Variants in SCIN observed in about 807,000 individuals in gnomAD.
The protein encoded by SCIN is scinderin, also known as adseverin.
In SCIN, 91 loss-of-function variants were observed where a neutral mutation model predicts 91.8. The observed-to-expected ratio is 0.99, with a 90% CI of 0.84 to 1.18. SCIN has a LOEUF of 1.18. Among genes scored for constraint, SCIN ranks in the 50% most tolerant of loss-of-function variants. The probability of loss-of-function intolerance (pLI) is 0.00; values close to 1 mark genes in which losing one functional copy is unlikely to be tolerated. For synonymous variants in SCIN, 367 were observed against 312.6 expected (o/e 1.17, Z -1.84); for missense variants, 1,087 against 863.9 (o/e 1.26, Z -3.24).
At chr7:12,604,131 T>C (rs1783022041) in intron 3 of SCIN, among the ~76,000 whole-genome samples, 2 of 152,100 alleles carry the variant, frequency 1.3e-5, no homozygotes, top group South Asian at 4.1e-4. Context: ...AAAACATGAA[T>C]AGTTTTACAA....
In SCIN at chr7:12,644,625, A is replaced by T. The variant is rs1039767420; in HGVS notation, c.1801A>T (p.Thr601Ser). 16 of 1,607,582 alleles carry T rather than the reference A, an allele frequency of 1.0e-5. No individual in the cohort carries two copies. The highest frequency in any genetic ancestry group is 1.3e-5 in the Non-Finnish European group (15 of 1,177,016). ...CCTTGGAGGGAAAAAAGACTACCAG[A>T]CCTCACCACTACTGGAAACCCAGGC... The part of the protein sequence containing the change: ...NSLGGKKDYQ[T>S]SPLLETQAED... Residue 601 changes from threonine to serine, a missense_variant, in exon 13 of 16, where the codon ACC (threonine) becomes TCC (serine). Coordinates refer to ENST00000297029, the MANE Select transcript of SCIN (RefSeq NM_001112706.3).
intron 14 of SCIN, among the ~76,000 whole-genome samples, chr7:12,649,948 T>C (rs1784046118): frequency 6.6e-6 from 1 of 152,138 alleles, no homozygotes; most frequent in African/African-American, 2.4e-5. Context: ...TGGGTAGCCC[T>C]CCCCTGGGGA....
At position 12,656,555 on chromosome 7, in the gene SCIN, G is replaced by A. The variant is rs1562641774; in HGVS notation, c.*3840G>A. On this transcript the variant is annotated 3_prime_UTR_variant, in exon 16 of 16. Transcript: ENST00000297029. ...CATTCATTCCGTGTTCTTGCTCTTG[G>A]ATAAAACGGACAACTCAGAGAAAAA... 6.6e-6 allele frequency: 1 copy of A among 152,178 alleles called. No homozygotes were observed. The highest frequency in any genetic ancestry group is 2.1e-4 in the South Asian group (1 of 4,826). 9.4% of individuals were successfully genotyped at this position (152,178 alleles called of 1,614,324 possible). A position where few individuals can be genotyped will look rare whatever the true frequency, so the allele number is the denominator to read the frequency against.
In SCIN at chr7:12,581,160, A is replaced by T; in HGVS notation, c.455A>T (p.Glu152Val). The T allele has an allele frequency of 6.4e-7, 1 of 1,551,544 alleles. No homozygotes were observed. The highest frequency in any genetic ancestry group is 8.7e-7 in the Non-Finnish European group (1 of 1,146,858). ...VKGRRVVRAT[E>V]VPLSWDSFNK... ...GGTCGTAGAGTGGTGAGAGCCACAG[A>T]AGTTCCCCTTAGCTGGGACAGTTTC... Residue 152 changes from glutamate to valine, a missense_variant, in exon 3 of 16, where the codon GAA becomes GTA. By Grantham distance (121) the Glu-to-Val change is moderately radical. Coordinates refer to ENST00000297029, the MANE Select transcript of SCIN (RefSeq NM_001112706.3).
At position 12,657,271 on chromosome 7, in the gene SCIN, T is replaced by A. The variant is rs1433662963; in HGVS notation, c.*4556T>A. ...TCTCACTCTGTTGCCCAGGCTGGAG[T>A]ACAGTAGCGATCTCTGCTCACTGCA... On this transcript the variant is annotated 3_prime_UTR_variant, in exon 16 of 16. Transcript: ENST00000297029. The A allele has an allele frequency of 7.4e-6, 1 of 135,092 alleles. No homozygotes were observed. The allele number at this position is 135,092 out of a possible 1,614,324, so 8.4% of individuals were successfully genotyped here.
At chr7:12,590,198 G>A (rs562033652) in intron 3 of SCIN, among the ~76,000 whole-genome samples, 1 of 152,322 alleles carries the variant, frequency 6.6e-6, no homozygotes, top group South Asian at 2.1e-4. Flanking sequence ...CTTTTCTGAA[G>A]AGGTAGGAAA....
intron 8 of SCIN, 98 bp downstream of exon 8, chr7:12,626,897 CT>C: frequency 9.2e-7 from 1 of 1,083,258 alleles, no homozygotes; most frequent in Non-Finnish European, 1.3e-6. Flanking sequence ...CGAGATCAGC[CT>C]GGCCAACATG....
intron 4 of SCIN, among the ~76,000 whole-genome samples, chr7:12,622,038 A>G (rs1783420655): frequency 6.6e-6 from 1 of 151,900 alleles, no homozygotes; most frequent in Non-Finnish European, 1.5e-5. Flanking sequence ...ATAAGTTTAT[A>G]TTTGATTCCT....
Position 12,587,388 on chromosome 7 carries a change from G to C in SCIN, c.516+6167G>C, listed in dbSNP as rs531157742. Reference sequence around the variant, plus strand: ...GAGGATGGATGTGTGAGTCTGGTTTGTACTCATCAGTCCTCACTAATCTAT... The same window carrying C: ...GAGGATGGATGTGTGAGTCTGGTTTCTACTCATCAGTCCTCACTAATCTAT... On this transcript the variant is annotated intron_variant, in intron 3 of 15. Transcript: ENST00000297029. 2.2e-4 allele frequency among the ~76,000 whole-genome samples: 34 copies of C among 152,292 alleles called. No individual in the cohort carries two copies. The South Asian group carries it at 6.6e-3, about 30-fold the overall frequency.
chr7:12,589,272 A>G lies in SCIN; in HGVS notation c.516+8051A>G, dbSNP rs536237604. Among the ~76,000 whole-genome samples the G allele has an allele frequency of 8.7e-3, 1,250 of 143,524 alleles. 10 individuals are homozygous for G. Among genetic ancestry groups the G allele is most frequent in the Non-Finnish European group, 0.012 (805 of 66,878 alleles). The allele number at this position is 143,524 out of a possible 152,430, so 94.2% of individuals were successfully genotyped here. On this transcript the variant is annotated intron_variant, in intron 3 of 15. Transcript: ENST00000297029. ...TGCTCTGTCGCCCAGGCTGGAGTGC[A>G]GTGGCATCATCTCTGCTCACTGCAA...
chr7:12,584,924 A>G (rs903479548), intron 3 of SCIN, among the ~76,000 whole-genome samples: 7 of 152,208 alleles, frequency 4.6e-5, no homozygotes, highest in African/African-American at 1.7e-4. Context: ...AAGATATGTC[A>G]CAGTCAGCCA....
intron 13 of SCIN, among the ~76,000 whole-genome samples, chr7:12,647,107 A>G (rs1783981738): frequency 6.6e-6 from 1 of 152,220 alleles, no homozygotes. Context: ...GCTATAAATT[A>G]GTTGTTTGTT....
chr7:12,623,279 T>TTA (rs1783447571), intron 5 of SCIN, among the ~76,000 whole-genome samples: 1 of 152,140 alleles, frequency 6.6e-6, no homozygotes, highest in Non-Finnish European at 1.5e-5. Context: ...TTTAAAACAT[T>TTA]GTCTTTAGCC....
chr7:12,593,050 T>C (rs935366625), intron 3 of SCIN, among the ~76,000 whole-genome samples: 37 of 152,222 alleles, frequency 2.4e-4, no homozygotes, highest in African/African-American at 8.2e-4. Flanking sequence ...CTGAGGAGCA[T>C]GCTTGTCTGC....
At chr7:12,644,376 CT>C in intron 12 of SCIN, 61 bp downstream of exon 12, 1 of 1,506,202 alleles carries the variant, frequency 6.6e-7, no homozygotes. Context: ...TGCTAATCAT[CT>C]TTTTTTCACC....
At chr7:12,602,628 TAA>T (rs980213544) in intron 3 of SCIN, among the ~76,000 whole-genome samples, 1 of 152,148 alleles carries the variant, frequency 6.6e-6, no homozygotes, top group African/African-American at 2.4e-5. Context: ...GTCTTAATAT[TAA>T]TATTCCTTGC....
Position 12,644,604 on chromosome 7 carries a change from G to A in SCIN, c.1780G>A (p.Gly594Arg), listed in dbSNP as rs1783921298. The A allele has an allele frequency of 6.2e-7, 1 of 1,610,726 alleles. No homozygotes were observed. Among genetic ancestry groups the A allele is most frequent in the Non-Finnish European group, 8.5e-7 (1 of 1,178,458 alleles). ...CACAGAGGAGTTCTGGAATTCCCTTGGAGGGAAAAAAGACTACCAGACCTC... is the reference window on the plus strand; with the variant it reads ...CACAGAGGAGTTCTGGAATTCCCTTAGAGGGAAAAAAGACTACCAGACCTC... The part of the protein sequence containing the change: ...EEPEEFWNSL[G>R]GKKDYQTSPL... Residue 594 changes from glycine to arginine, a missense_variant, in exon 13 of 16, where the codon GGA (glycine) becomes AGA (arginine). Gly to Arg is a moderately radical substitution (Grantham distance 125). Transcript: ENST00000297029.
At chr7:12,641,130 C>G (rs1410154950) in intron 11 of SCIN, among the ~76,000 whole-genome samples, 2 of 152,202 alleles carry the variant, frequency 1.3e-5, no homozygotes, top group Non-Finnish European at 2.9e-5. Flanking sequence ...TCCAGGTCTT[C>G]CACATCACCC....
chr7:12,652,006 C>A, intron 15 of SCIN, 105 bp downstream of exon 15: 1 of 722,852 alleles, frequency 1.4e-6, no homozygotes, highest in Non-Finnish European at 2.3e-6. Context: ...ATTTCAAAAT[C>A]AAGAAGTAGC....
Sources: allele counts gnomAD v4.1 joint callset (sites outside exome capture counted in the v4.1 genomes callset), GRCh38; gene constraint gnomAD v4.1.1; transcripts MANE v1.5; gene names NCBI Gene and HGNC (gene_info 2026-07-23, HGNC 2026-07-21).